EXOC3L2: variants seen among roughly 807,000 people sequenced by gnomAD.
EXOC3L2 encodes exocyst complex component 3 like 2.
A neutral mutation model predicts 44.4 loss-of-function variants in EXOC3L2; 17 were observed. The observed-to-expected ratio is 0.38, with a 90% confidence interval of 0.26 to 0.57. The LOEUF (loss-of-function observed/expected upper bound fraction) is 0.57, where lower values mean the gene tolerates loss of function less well. Ranked by LOEUF, EXOC3L2 falls within the 20% of genes least tolerant of loss-of-function variation. The probability of loss-of-function intolerance (pLI) is 0.65; values close to 1 mark genes in which losing one functional copy is unlikely to be tolerated. For synonymous variants in EXOC3L2, 256 were observed against 253.7 expected, an observed-to-expected ratio of 1.01 and a Z score of -0.09; for missense variants, 541 against 588.4, an observed-to-expected ratio of 0.92 and a Z score of 0.83.
chr19:45,229,572 G>A lies in EXOC3L2; in HGVS notation c.1270-1306C>T, dbSNP rs1265053075. On this transcript the variant is annotated intron_variant, in intron 4 of 11. Transcript: ENST00000413988. ...ATAATATAGATACATGTGACCAGGT[G>A]CGGTGGCTTATGCCTGTAATCCCAG... Among the ~76,000 whole-genome samples, 3 of 148,662 alleles carry A rather than the reference G, an allele frequency of 2.0e-5. No individual in the cohort carries two copies. In the East Asian group the frequency reaches 5.8e-4, roughly 29 times the overall value.
At chr19:45,224,656 C>G in intron 8 of EXOC3L2, 122 bp downstream of exon 8, 1 of 1,375,094 alleles carries the variant, frequency 7.3e-7, no homozygotes, top group South Asian at 1.6e-5. Flanking sequence ...ACTGCCCCTG[C>G]CCCCCGCCCC....
rs1401166607 is a variant in EXOC3L2 at position 45,213,041 on chromosome 19, G to T, written c.*28C>A. ...TTGGCTTGTCAGCAGCATAGATGGG[G>T]TCACTAAGGCCGGCGGTTGGGTGAC... On this transcript the variant is annotated 3_prime_UTR_variant, in exon 12 of 12. Transcript: ENST00000413988. 6.8e-7 allele frequency: 1 copy of T among 1,460,328 alleles called. No individual in the cohort carries two copies. The highest frequency in any genetic ancestry group is 9.0e-7 in the Non-Finnish European group (1 of 1,111,852). The allele number at this position is 1,460,328 out of a possible 1,614,324, so 90.5% of individuals were successfully genotyped here.
chr19:45,214,760 C>T (rs992595043), intron 11 of EXOC3L2, among the ~76,000 whole-genome samples: 3 of 152,000 alleles, frequency 2.0e-5, no homozygotes, highest in Admixed American at 6.6e-5. Context: ...CCACCATGCC[C>T]GGCCGATCTG....
intron 7 of EXOC3L2, among the ~76,000 whole-genome samples, chr19:45,227,266 C>T (rs926059038): frequency 5.4e-5 from 8 of 148,978 alleles, no homozygotes; most frequent in South Asian, 2.1e-4. Context: ...TACAGGTGCC[C>T]GCCACCATGC....
At chr19:45,222,197 TCTC>T (rs1387866953) in intron 8 of EXOC3L2, among the ~76,000 whole-genome samples, 12 of 146,038 alleles carry the variant, frequency 8.2e-5, no homozygotes, top group East Asian at 2.0e-4. Flanking sequence ...GTTGTTTTTC[TCTC>T]CTTTTTTTTT....
At chr19:45,244,089 A>G (rs1970151049) in intron 1 of EXOC3L2, among the ~76,000 whole-genome samples, 2 of 151,620 alleles carry the variant, frequency 1.3e-5, no homozygotes, top group Non-Finnish European at 2.9e-5. Flanking sequence ...ACACCTGGCT[A>G]ATTTTTGTAT....
chr19:45,223,020 A>G (rs972537283), intron 8 of EXOC3L2, among the ~76,000 whole-genome samples: 5 of 152,184 alleles, frequency 3.3e-5, no homozygotes, highest in Non-Finnish European at 7.4e-5. Context: ...TGGGAGGCCA[A>G]GTCAGGAGGA....
rs749486185 is a variant in EXOC3L2 at position 45,218,339 on chromosome 19, G to A, written c.1720-20C>T. On this transcript the variant is annotated intron_variant, in intron 8 of 11. Transcript: ENST00000413988. ...GTGTGGCTGGCAGGGACAGAGTAGG[G>A]GGTCACGCTCTCCTCCCTCCCACCC... is the stretch of plus-strand genomic sequence containing the variant. 1 of 1,577,880 alleles carries A rather than the reference G, an allele frequency of 6.3e-7. No individual in the cohort carries two copies. Among genetic ancestry groups the A allele is most frequent in the East Asian group, 2.3e-5 (1 of 44,176 alleles).
chr19:45,228,069 C>T lies in EXOC3L2; in HGVS notation c.1377G>A (p.Leu459=), dbSNP rs1234112461. The T allele has an allele frequency of 6.2e-7, 1 of 1,614,004 alleles. No individual in the cohort carries two copies. The highest frequency in any genetic ancestry group is 1.3e-5 in the African/African-American group (1 of 74,908). The change falls in exon 6 of 12, where the codon CTG becomes CTA. Residue 459 remains leucine, a synonymous_variant. Transcript: ENST00000413988. ...GGGGTGCTCGCTCTGTGTGCTCTTC[C>T]AGCAGCTGTGAGGTCCAGGGCGACA... The part of the protein sequence containing the change: ...SSLAQDVCEL[L]EEHTERAPRI...
At chr19:45,222,281 C>A (rs1182301117) in intron 8 of EXOC3L2, among the ~76,000 whole-genome samples, 1 of 150,154 alleles carries the variant, frequency 6.7e-6, no homozygotes, top group Non-Finnish European at 1.5e-5. Context: ...TTCATTGCAA[C>A]CTCTGCCTCC....
At chr19:45,236,023 T>C (rs1430482785) in intron 2 of EXOC3L2, among the ~76,000 whole-genome samples, 1 of 145,960 alleles carries the variant, frequency 6.9e-6, no homozygotes, top group African/African-American at 2.6e-5. Flanking sequence ...AGGTGGGGGT[T>C]GGGATGAGGG....
At chr19:45,228,887 C>G (rs371798654) in intron 4 of EXOC3L2, among the ~76,000 whole-genome samples, 1 of 150,032 alleles carries the variant, frequency 6.7e-6, no homozygotes, top group African/African-American at 2.5e-5. Flanking sequence ...CTGGCTAACA[C>G]GGTGAAACCC....
In EXOC3L2 at chr19:45,216,089, C is replaced by G; in HGVS notation, c.2104G>C (p.Asp702His). 1 of 1,613,820 alleles carries G rather than the reference C, an allele frequency of 6.2e-7. No individual in the cohort carries two copies. The highest frequency in any genetic ancestry group is 8.5e-7 in the Non-Finnish European group (1 of 1,179,906). ...IQVEVGVLVR[D>H]YPDIRQKHVA... ...GTGTCTCACCTGATGTCTGGGTAGT[C>G]GCGCACCAACACTCCCACCTCCACC... Residue 702 changes from aspartate to histidine, a missense_variant, in exon 11 of 12, where the codon GAC (aspartate) becomes CAC (histidine). By Grantham distance (81) the Asp-to-His change is moderately conservative (BLOSUM62 -1). Coordinates refer to ENST00000413988, the MANE Select transcript of EXOC3L2 (RefSeq NM_001382422.1).
intron 7 of EXOC3L2, among the ~76,000 whole-genome samples, chr19:45,227,050 GC>G (rs1969971042): frequency 6.7e-6 from 1 of 149,028 alleles, no homozygotes; most frequent in Non-Finnish European, 1.5e-5. Context: ...ACGATGCCTG[GC>G]CCCCATCTCT....
In EXOC3L2 at chr19:45,227,782, G is replaced by A; in HGVS notation, c.1473-10C>T. On this transcript the variant is annotated splice_polypyrimidine_tract_variant and intron_variant, in intron 6 of 11. Coordinates refer to ENST00000413988, the MANE Select transcript of EXOC3L2 (RefSeq NM_001382422.1). ...CACACGCTGCTGGAAGCTGGTGGGA[G>A]GAAAGGGGACAGATAGGGCGCCACT... The A allele has an allele frequency of 1.2e-6, 2 of 1,606,874 alleles. No homozygotes were observed. Among genetic ancestry groups the A allele is most frequent in the Non-Finnish European group, 1.7e-6 (2 of 1,177,354 alleles).
chr19:45,213,239 G>T lies in EXOC3L2; in HGVS notation c.2239C>A (p.Pro747Thr), dbSNP rs371350226. The change falls in exon 12 of 12, where the codon CCT (proline) becomes ACT (threonine). Residue 747 changes from proline to threonine, a missense_variant. Coordinates refer to ENST00000413988, the MANE Select transcript of EXOC3L2 (RefSeq NM_001382422.1). ...TCTGCAAAGAAGGCACGGTCCCGAGGGGGTGACAGGGCTCCCTCCTCAGAG... is the reference window on the plus strand; with the variant it reads ...TCTGCAAAGAAGGCACGGTCCCGAGTGGGTGACAGGGCTCCCTCCTCAGAG... ...ELSEEGALSP[P>T]RDRAFFADIP... is the part of the protein sequence containing the mutation. 5 of 1,613,294 alleles carry T rather than the reference G, an allele frequency of 3.1e-6. No individual in the cohort carries two copies. Among genetic ancestry groups the T allele is most frequent in the Non-Finnish European group, 4.2e-6 (5 of 1,179,602 alleles).
intron 11 of EXOC3L2, 32 bp from the exon 12 acceptor site, chr19:45,213,389 G>C: frequency 6.2e-7 from 1 of 1,608,374 alleles, no homozygotes; most frequent in Non-Finnish European, 8.5e-7. Flanking sequence ...GGTGCATGCA[G>C]ATCCCCAGCT....
intron 2 of EXOC3L2, among the ~76,000 whole-genome samples, chr19:45,235,744 G>A (rs1487639028): frequency 6.6e-6 from 1 of 152,212 alleles, no homozygotes; most frequent in Non-Finnish European, 1.5e-5. Flanking sequence ...AGAAGGCGGG[G>A]CTCTAGTCAC....
intron 10 of EXOC3L2, 122 bp downstream of exon 10, chr19:45,217,406 T>G (rs1251764629): frequency 8.0e-7 from 1 of 1,242,424 alleles, no homozygotes; most frequent in African/African-American, 1.6e-5. Context: ...TGACCCGAAG[T>G]TGGGTGAGAG....
Sources: gnomAD v4.1 joint callset for allele counts (sites outside exome capture counted in the v4.1 genomes callset) on GRCh38, gnomAD v4.1.1 for gene constraint, MANE v1.5 for transcripts, NCBI Gene and HGNC (gene_info 2026-07-23, HGNC 2026-07-21) for gene names.